The following ROBO1 variants were observed in gnomAD, a reference collection of about 807,000 sequenced individuals.
ROBO1 encodes the protein roundabout guidance receptor 1.
ROBO1 carries 149 observed loss-of-function variants against 195.9 expected under a neutral mutation model. The ratio of observed to expected loss-of-function variants is 0.76; its 90% CI spans 0.67 to 0.87. The LOEUF (loss-of-function observed/expected upper bound fraction) is 0.87. Ranked by LOEUF, ROBO1 falls within the 40% of genes least tolerant of loss-of-function variation. The pLI, the probability that ROBO1 is intolerant of heterozygous loss-of-function variation, is 0.00. For synonymous variants in ROBO1, 816 were observed against 733.2 expected, an observed-to-expected ratio of 1.11 and a Z score of -1.82; for missense variants, 1,933 against 2,068.3, an observed-to-expected ratio of 0.93 and a Z score of 1.27.
chr3:78,960,127 G>A (rs544518585), intron 3 of ROBO1, among the ~76,000 whole-genome samples: 122 of 152,060 alleles, frequency 8.0e-4, no homozygotes, highest in African/African-American at 2.8e-3. Flanking sequence ...GATCACACCC[G>A]TGATTAGCCC....
chr3:78,965,946 C>A (rs1192362596), intron 3 of ROBO1, among the ~76,000 whole-genome samples: 1 of 152,128 alleles, frequency 6.6e-6, no homozygotes, highest in African/African-American at 2.4e-5. Context: ...TTATTTTAAT[C>A]AATTATCTTT....
intron 2 of ROBO1, among the ~76,000 whole-genome samples, chr3:79,466,050 T>C (rs915231802): frequency 7.2e-5 from 11 of 151,748 alleles, no homozygotes; most frequent in African/African-American, 2.7e-4. Flanking sequence ...AAACACTGTG[T>C]CTAAATTTAA....
chr3:79,206,753 AT>A (rs1396061172), intron 2 of ROBO1, among the ~76,000 whole-genome samples: 1 of 152,218 alleles, frequency 6.6e-6, no homozygotes, highest in Non-Finnish European at 1.5e-5. Flanking sequence ...GACAATGGAA[AT>A]AAATGATCAG....
At chr3:79,312,746 T>C (rs575239444) in intron 2 of ROBO1, among the ~76,000 whole-genome samples, 1 of 152,258 alleles carries the variant, frequency 6.6e-6, no homozygotes, top group Non-Finnish European at 1.5e-5. Flanking sequence ...TAAAATTATA[T>C]CCATTCATTC....
chr3:79,659,706 C>T (rs571411684), intron 1 of ROBO1, among the ~76,000 whole-genome samples: 2 of 151,922 alleles, frequency 1.3e-5, no homozygotes, highest in Admixed American at 6.6e-5. Flanking sequence ...TAATGTCATG[C>T]GAATGTCCAC....
chr3:78,665,150 T>C (rs1171137729), intron 14 of ROBO1, among the ~76,000 whole-genome samples: 1 of 152,160 alleles, frequency 6.6e-6, no homozygotes, highest in East Asian at 1.9e-4. Flanking sequence ...ACTGTCCTCC[T>C]CTTAAAAGTC....
intron 1 of ROBO1, among the ~76,000 whole-genome samples, chr3:79,647,847 C>T (rs9839356): frequency 0.28 from 41,960 of 151,718 alleles, 6,817 homozygotes; most frequent in African/African-American, 0.45. Flanking sequence ...AACCGATTCC[C>T]GTAAGATATA....
chr3:78,854,871 CAT>C (rs2034314166), intron 4 of ROBO1, among the ~76,000 whole-genome samples: 1 of 152,038 alleles, frequency 6.6e-6, no homozygotes, highest in East Asian at 1.9e-4. Context: ...TTTTAGAAAA[CAT>C]AGGACAAACA....
intron 1 of ROBO1, among the ~76,000 whole-genome samples, chr3:79,679,833 T>G (rs1381076246): frequency 4.6e-5 from 7 of 151,882 alleles, no homozygotes; most frequent in African/African-American, 1.7e-4. Context: ...ACTACAGGCT[T>G]TATGAGAACA....
intron 2 of ROBO1, among the ~76,000 whole-genome samples, chr3:79,151,531 T>A (rs906577787): frequency 6.6e-6 from 1 of 151,676 alleles, no homozygotes; most frequent in African/African-American, 2.4e-5. Context: ...ATGCTCCTCT[T>A]TCTCTATAAT....
chr3:79,713,542 A>C (rs1031037515), intron 1 of ROBO1, among the ~76,000 whole-genome samples: 14 of 152,130 alleles, frequency 9.2e-5, no homozygotes, highest in Admixed American at 2.0e-4. Context: ...TAGAAATAAC[A>C]ATAGAACTAG....
chr3:78,601,816 G>A (rs1346461055), intron 29 of ROBO1, among the ~76,000 whole-genome samples: 3 of 152,028 alleles, frequency 2.0e-5, no homozygotes, highest in Non-Finnish European at 4.4e-5. Flanking sequence ...TTCCAGCCTT[G>A]TGTCCCTGGA....
At chr3:79,292,086 C>T (rs1576931272) in intron 2 of ROBO1, among the ~76,000 whole-genome samples, 1 of 152,222 alleles carries the variant, frequency 6.6e-6, no homozygotes, top group East Asian at 1.9e-4. Context: ...AAAGTGATTG[C>T]CTCACATCCC....
intron 2 of ROBO1, among the ~76,000 whole-genome samples, chr3:79,411,037 G>C (rs2037743307): frequency 6.6e-6 from 1 of 152,122 alleles, no homozygotes; most frequent in South Asian, 2.1e-4. Context: ...TTTAAAAGCA[G>C]CATTTCCTCT....
chr3:78,948,437 A>G (rs929112797), intron 3 of ROBO1, among the ~76,000 whole-genome samples: 1 of 152,210 alleles, frequency 6.6e-6, no homozygotes, highest in Non-Finnish European at 1.5e-5. Context: ...CAATAGATGC[A>G]GAAAAGGCCT....
At chr3:79,718,990 G>A (rs1461446026) in intron 1 of ROBO1, among the ~76,000 whole-genome samples, 1 of 151,978 alleles carries the variant, frequency 6.6e-6, no homozygotes, top group African/African-American at 2.4e-5. Flanking sequence ...AGTATTAATA[G>A]CCACTGCAGC....
intron 10 of ROBO1, among the ~76,000 whole-genome samples, chr3:78,678,166 T>A (rs1333530924): frequency 6.6e-6 from 1 of 151,850 alleles, no homozygotes; most frequent in African/African-American, 2.4e-5. Context: ...CTGGGACACA[T>A]TCAAAGCAGT....
chr3:79,669,770 T>C (rs1404959017), intron 1 of ROBO1, among the ~76,000 whole-genome samples: 1 of 151,896 alleles, frequency 6.6e-6, no homozygotes, highest in African/African-American at 2.4e-5. Context: ...AAAAATATCT[T>C]ACTTGACTTA....
intron 3 of ROBO1, among the ~76,000 whole-genome samples, chr3:78,960,169 C>A (rs890058760): frequency 2.0e-5 from 3 of 151,972 alleles, no homozygotes; most frequent in African/African-American, 7.3e-5. Flanking sequence ...ACGGCAAAAT[C>A]CCATCTCTAA....
Sources: allele counts gnomAD v4.1 joint callset (sites outside exome capture counted in the v4.1 genomes callset), GRCh38; gene constraint gnomAD v4.1.1; transcripts MANE v1.5; gene names NCBI Gene and HGNC (gene_info 2026-07-23, HGNC 2026-07-21).